The following WDR33 variants were observed in gnomAD, a reference collection of about 807,000 sequenced individuals.
WDR33 encodes the protein WD repeat domain 33, also known as pre-mRNA 3' end processing protein WDR33.
In WDR33, 47 loss-of-function variants were observed where a neutral mutation model predicts 164.9. The observed-to-expected ratio is 0.29, with a 90% CI of 0.23 to 0.36. WDR33 has a LOEUF of 0.36. WDR33 is among the 10% of genes least tolerant of loss of function. The pLI, the probability that WDR33 is intolerant of heterozygous loss-of-function variation, is 1.00. For synonymous variants in WDR33, 505 were observed against 589.0 expected (o/e 0.86, Z 2.06); for missense variants, 1,137 against 1,754.1 (o/e 0.65, Z 6.28).
At chr2:127,755,533 A>G (rs1211264163) in intron 7 of WDR33, among the ~76,000 whole-genome samples, 2 of 152,218 alleles carry the variant, frequency 1.3e-5, no homozygotes, top group Non-Finnish European at 2.9e-5. Context: ...TTATTTTAGC[A>G]TGATTTATTC....
At chr2:127,748,884 T>TAAAAA (rs59425653) in intron 7 of WDR33, among the ~76,000 whole-genome samples, 1 of 105,024 alleles carries the variant, frequency 9.5e-6, no homozygotes, top group African/African-American at 3.5e-5. Flanking sequence ...AGCTGAAACT[T>TAAAAA]AAAAAAAAAA....
intron 1 of WDR33, among the ~76,000 whole-genome samples, chr2:127,785,851 A>G (rs977700773): frequency 6.6e-6 from 1 of 152,300 alleles, no homozygotes; most frequent in Non-Finnish European, 1.5e-5. Flanking sequence ...AGGTTGCTAG[A>G]TCACATGATA....
chr2:127,701,588 G>C lies in WDR33; in HGVS notation c.*4735C>G, dbSNP rs537901233. On this transcript the variant is annotated 3_prime_UTR_variant, in exon 22 of 22. Coordinates refer to ENST00000322313, the MANE Select transcript of WDR33 (RefSeq NM_018383.5). The stretch of plus-strand genomic sequence containing the variant: ...TGGCGCAGGGGAAAGCTGGCGGCCC[G>C]GCGGCCGCGGAGCCGCTGCTCGCCG... 253 of 1,359,446 alleles carry C rather than the reference G, an allele frequency of 1.9e-4. No individual in the cohort carries two copies. Among genetic ancestry groups the C allele is most frequent in the East Asian group, 1.4e-3 (46 of 32,936 alleles). The allele number at this position is 1,359,446 out of a possible 1,614,324, so 84.2% of individuals were successfully genotyped here.
intron 1 of WDR33, 116 bp from the exon 2 acceptor site, chr2:127,771,120 C>T (rs116634293): frequency 1.3e-6 from 1 of 795,350 alleles, no homozygotes; most frequent in African/African-American, 1.7e-5. Flanking sequence ...TGCATCATTT[C>T]CACTTACACA....
chr2:127,708,971 G>C lies in WDR33; in HGVS notation c.3566-79C>G. Reference sequence around the variant, plus strand: ...ATGGGAATGACACTGTGAGAGTAAGGAGCAACTCGAGAGCCACCGTTCACT... The same window carrying C: ...ATGGGAATGACACTGTGAGAGTAAGCAGCAACTCGAGAGCCACCGTTCACT... On this transcript the variant is annotated intron_variant, in intron 20 of 21. Coordinates refer to ENST00000322313, the MANE Select transcript of WDR33 (RefSeq NM_018383.5). This position sits in a 1 kb window ranked among gnomAD's most constrained non-coding sequence, Gnocchi z 6.7. The C allele has an allele frequency of 7.2e-7, 1 of 1,385,648 alleles. No individual in the cohort carries two copies. Among genetic ancestry groups the C allele is most frequent in the Non-Finnish European group, 9.5e-7 (1 of 1,050,094 alleles). 85.8% of individuals were successfully genotyped at this position (1,385,648 alleles called of 1,614,324 possible). A position where few individuals can be genotyped will look rare whatever the true frequency, so the allele number is the denominator to read the frequency against.
In WDR33 at chr2:127,719,920, T is replaced by G; in HGVS notation, c.2105A>C (p.Gln702Pro). 1.2e-6 allele frequency: 2 copies of G among 1,613,866 alleles called. No individual in the cohort carries two copies. Among genetic ancestry groups the G allele is most frequent in the South Asian group, 2.2e-5 (2 of 91,080 alleles). ...TGGACCCTGAGGACCCATATGACCT[T>G]GAGGACCAGAACTACCTTGTGGTCC... Reference protein sequence around the residue: ...PPGPQGSSGPQGHMGPQGPPG... With the variant: ...PPGPQGSSGPPGHMGPQGPPG... Residue 702 changes from glutamine (Q) to proline (P), a missense_variant, in exon 16 of 22, where the codon CAA (glutamine) becomes CCA (proline). Gln to Pro is a moderately conservative substitution (Grantham distance 76, BLOSUM62 -1). Around this residue, in one of 9 missense-constraint regions of WDR33, gnomAD observed 867 missense variants for 1,073.0 expected, o/e 0.81. Transcript: ENST00000322313. The surrounding 1 kb of genome is among the most constrained non-coding windows in gnomAD (Gnocchi z 6.5).
chr2:127,746,505 A>C (rs911628692), intron 7 of WDR33, among the ~76,000 whole-genome samples: 2 of 152,184 alleles, frequency 1.3e-5, no homozygotes, highest in Non-Finnish European at 2.9e-5. Context: ...CATTTGCTTC[A>C]TCCTGCACTG....
chr2:127,795,436 C>G (rs1053360062), intron 1 of WDR33, among the ~76,000 whole-genome samples: 20 of 151,888 alleles, frequency 1.3e-4, no homozygotes, highest in African/African-American at 4.6e-4. Flanking sequence ...TCCTAATACC[C>G]TGATGGGTCC....
intron 1 of WDR33, among the ~76,000 whole-genome samples, chr2:127,802,368 G>C (rs1282999324): frequency 6.6e-6 from 1 of 152,054 alleles, no homozygotes; most frequent in African/African-American, 2.4e-5. Flanking sequence ...TTCAGCCTCC[G>C]TCTCCTGGGT....
chr2:127,749,839 C>CTT (rs1286010102), intron 7 of WDR33, among the ~76,000 whole-genome samples: 9 of 140,756 alleles, frequency 6.4e-5, no homozygotes, highest in South Asian at 4.8e-4. Context: ...ATTTCACAGG[C>CTT]TTTTTTTTTT....
At chr2:127,761,152 A>C (rs558118284) in intron 7 of WDR33, among the ~76,000 whole-genome samples, 4 of 152,186 alleles carry the variant, frequency 2.6e-5, no homozygotes, top group Admixed American at 1.3e-4. Context: ...GTTTTAGATC[A>C]GACTTCAGTT....
rs912648838 is a variant in WDR33 at position 127,780,119 on chromosome 2, C to A, written c.-23-9115G>T. On this transcript the variant is annotated intron_variant, in intron 1 of 21. Transcript: ENST00000322313. ...CTCTCGAGTAGCTGGGAATACAGGC[C>A]CCCGCCACCACGCCCAGCTAATTTT... Among the ~76,000 whole-genome samples, 7 of 151,814 alleles carry A rather than the reference C, an allele frequency of 4.6e-5. 1 individual carries two copies. Among genetic ancestry groups the A allele is most frequent in the Admixed American group, 1.3e-4 (2 of 15,256 alleles).
chr2:127,715,088 CTTTTTTTTTTTTT>C (rs386391178), intron 17 of WDR33, among the ~76,000 whole-genome samples: 1 of 108,580 alleles, frequency 9.2e-6, no homozygotes, highest in East Asian at 2.6e-4. Context: ...TTCTTTGTTT[CTTTTTTTTTTTTT>C]TTTTTTTTTG....
chr2:127,763,155 A>T lies in WDR33; in HGVS notation c.631T>A (p.Ser211Thr). 1 of 1,614,074 alleles carries T rather than the reference A, an allele frequency of 6.2e-7. No individual in the cohort carries two copies. The highest frequency in any genetic ancestry group is 8.5e-7 in the Non-Finnish European group (1 of 1,179,914). The change falls in exon 7 of 22, where the codon TCA (serine) becomes ACA (threonine). Residue 211 changes from serine (S) to threonine (T), a missense_variant. Coordinates refer to ENST00000322313, the MANE Select transcript of WDR33 (RefSeq NM_018383.5). The surrounding 1 kb of genome is among the most constrained non-coding windows in gnomAD (Gnocchi z 4.5). ...GTAGCAAATTTATTATCCGTGGGTG[A>T]GAAACTGTTACATGAAGACACACAG... ...HKEAIREASF[S>T]PTDNKFATCS...
At chr2:127,772,959 CAAAA>C (rs72149745) in intron 1 of WDR33, among the ~76,000 whole-genome samples, 8 of 117,194 alleles carry the variant, frequency 6.8e-5, no homozygotes, top group African/African-American at 1.5e-4. Flanking sequence ...TCCATCTCTA[CAAAA>C]AAAAAAAAAA....
At chr2:127,754,375 T>G (rs1687458250) in intron 7 of WDR33, among the ~76,000 whole-genome samples, 1 of 152,168 alleles carries the variant, frequency 6.6e-6, no homozygotes, top group Admixed American at 6.5e-5. Context: ...TGGCAAAATT[T>G]CATGAAAGGG....
chr2:127,768,148 C>A, intron 4 of WDR33, 41 bp downstream of exon 4: 2 of 1,292,724 alleles, frequency 1.5e-6, no homozygotes, highest in Non-Finnish European at 1.1e-6. Flanking sequence ...CTATATAACG[C>A]AGGATTAATT....
rs1687771652 is a variant in WDR33, at chr2:127,764,690, A to T, written c.626+138T>A. ...AAATGGTGAATGTGTGAAAACAAAGAAAAATATTGTGTTTATAGGGTGCAG... is the reference window on the plus strand; with the variant it reads ...AAATGGTGAATGTGTGAAAACAAAGTAAAATATTGTGTTTATAGGGTGCAG... On this transcript the variant is annotated intron_variant, in intron 6 of 21. Coordinates refer to ENST00000322313, the MANE Select transcript of WDR33 (RefSeq NM_018383.5). This position sits in a 1 kb window ranked among gnomAD's most constrained non-coding sequence, Gnocchi z 6.2. 3 of 1,605,384 alleles carry T rather than the reference A, an allele frequency of 1.9e-6. No individual in the cohort carries two copies. Among genetic ancestry groups the T allele is most frequent in the Non-Finnish European group, 2.6e-6 (3 of 1,175,390 alleles).
At position 127,701,682 on chromosome 2, in the gene WDR33, A is replaced by C; in HGVS notation, c.*4641T>G. 7.7e-7 allele frequency: 1 copy of C among 1,299,334 alleles called. No homozygotes were observed. Among genetic ancestry groups the C allele is most frequent in the Non-Finnish European group, 9.7e-7 (1 of 1,029,398 alleles). 80.5% of individuals were successfully genotyped at this position (1,299,334 alleles called of 1,614,324 possible). A position where few individuals can be genotyped will look rare whatever the true frequency, so the allele number is the denominator to read the frequency against. ...GCTGGGCCGCGCGGGCTTGCGCTGGACGTGGGCGCGGAGCCCTGCGGAGTC... is the reference window on the plus strand; with the variant it reads ...GCTGGGCCGCGCGGGCTTGCGCTGGCCGTGGGCGCGGAGCCCTGCGGAGTC... On this transcript the variant is annotated 3_prime_UTR_variant, in exon 22 of 22. Transcript: ENST00000322313.
Sources: allele counts gnomAD v4.1 joint callset (sites outside exome capture counted in the v4.1 genomes callset), GRCh38; gene constraint gnomAD v4.1.1; regional missense constraint gnomAD v4.1.1; non-coding constraint Gnocchi (gnomAD v3.1); transcripts MANE v1.5; gene names NCBI Gene and HGNC (gene_info 2026-07-23, HGNC 2026-07-21).